The following KANSL1 variants were observed in gnomAD, a reference collection of about 807,000 sequenced individuals.
KANSL1 encodes the protein KAT8 regulatory NSL complex subunit 1.
A neutral mutation model predicts 103.6 loss-of-function variants in KANSL1; 22 were observed. The observed-to-expected ratio is 0.21, with a 90% confidence interval of 0.15 to 0.30. The LOEUF is 0.30. KANSL1 is among the 10% of genes least tolerant of loss of function. KANSL1 has a pLI of 1.00. For synonymous variants in KANSL1, 600 were observed against 527.6 expected, an observed-to-expected ratio of 1.14 and a Z score of -1.88; for missense variants, 1,337 against 1,399.8, an observed-to-expected ratio of 0.96 and a Z score of 0.72.
chr17:46,077,581 G>A (rs1040383884), intron 4 of KANSL1, among the ~76,000 whole-genome samples: 11 of 151,780 alleles, frequency 7.2e-5, no homozygotes, highest in African/African-American at 1.5e-4. Flanking sequence ...TTTTTGAGAC[G>A]GAGTCTCACT....
At position 46,030,416 on chromosome 17, in the gene KANSL1, G is replaced by C. The variant is rs565649466; in HGVS notation, c.*1060C>G. 6.6e-6 allele frequency: 1 copy of C among 151,692 alleles called. No homozygotes were observed. The highest frequency in any genetic ancestry group is 1.9e-4 in the East Asian group (1 of 5,180). 9.4% of individuals were successfully genotyped at this position (151,692 alleles called of 1,614,324 possible). On this transcript the variant is annotated 3_prime_UTR_variant, in exon 15 of 15. Transcript: ENST00000432791. ...CCCCCCTCCCCCTTTTTGGTGATGT[G>C]ATCATACAGGAGACAGGCACAAGGT...
At chr17:46,129,389 C>T (rs781751843) in intron 2 of KANSL1, among the ~76,000 whole-genome samples, 1 of 152,202 alleles carries the variant, frequency 6.6e-6, no homozygotes, top group Admixed American at 6.5e-5. Context: ...CAAAGCACCA[C>T]CTGTCTGAAA....
At chr17:46,060,932 GACA>G (rs1456392320) in intron 6 of KANSL1, among the ~76,000 whole-genome samples, 3 of 152,118 alleles carry the variant, frequency 2.0e-5, no homozygotes, top group African/African-American at 7.2e-5. Flanking sequence ...TCCCCCCTAT[GACA>G]ACAAGGACTA....
intron 2 of KANSL1, among the ~76,000 whole-genome samples, chr17:46,096,153 C>CTCT (rs67515292): frequency 7.8e-6 from 1 of 128,136 alleles, no homozygotes. Flanking sequence ...TTTTTTTTTT[C>CTCT]CTGAGAGGCA....
intron 1 of KANSL1, among the ~76,000 whole-genome samples, chr17:46,220,507 C>A (rs1024331955): frequency 4.6e-5 from 7 of 152,126 alleles, no homozygotes; most frequent in African/African-American, 1.7e-4. Context: ...TGAGCCACTG[C>A]GCCCAGCTAA....
intron 1 of KANSL1, among the ~76,000 whole-genome samples, chr17:46,191,850 A>T (rs1311606413): frequency 1.3e-5 from 2 of 152,206 alleles, no homozygotes; most frequent in African/African-American, 4.8e-5. Context: ...CTGGAGGAAG[A>T]GAGATTTCTC....
At chr17:46,218,745 T>C (rs1459488411) in intron 1 of KANSL1, among the ~76,000 whole-genome samples, 1 of 150,648 alleles carries the variant, frequency 6.6e-6, no homozygotes, top group Non-Finnish European at 1.5e-5. Context: ...ATCGTGCCAC[T>C]GAACTCCAGC....
At chr17:46,080,446 A>T (rs1323737410) in intron 4 of KANSL1, among the ~76,000 whole-genome samples, 1 of 148,028 alleles carries the variant, frequency 6.8e-6, no homozygotes, top group Non-Finnish European at 1.5e-5. Context: ...GGGCAACCTA[A>T]TTTTTTTTTT....
At chr17:46,039,323 G>C (rs1405529908) in intron 8 of KANSL1, 108 bp from the exon 9 acceptor site, 14 of 1,031,896 alleles carry the variant, frequency 1.4e-5, no homozygotes, top group Non-Finnish European at 1.6e-5. Context: ...TATACCCAGG[G>C]CAGCAGGACA....
At chr17:46,037,228 T>G (rs2077177529) in intron 10 of KANSL1, 1 of 152,258 alleles carries the variant, frequency 6.6e-6, no homozygotes, top group South Asian at 2.1e-4. Flanking sequence ...AGAATTAGTT[T>G]AGACTCTTTT....
intron 2 of KANSL1, among the ~76,000 whole-genome samples, chr17:46,096,315 T>TC (rs1280678157): frequency 2.8e-5 from 2 of 70,784 alleles, no homozygotes. Context: ...TTTTTTCTTT[T>TC]TTTTTTTTTT....
intron 2 of KANSL1, among the ~76,000 whole-genome samples, chr17:46,142,444 A>G (rs2044469115): frequency 6.6e-6 from 1 of 152,088 alleles, no homozygotes; most frequent in Admixed American, 6.6e-5. Context: ...GCAAAACCCC[A>G]TCTCTACAAA....
At chr17:46,216,954 A>G (rs187163427) in intron 1 of KANSL1, among the ~76,000 whole-genome samples, 2 of 152,104 alleles carry the variant, frequency 1.3e-5, no homozygotes, top group African/African-American at 4.8e-5. Flanking sequence ...AAAAATATTT[A>G]AAAATAGCCA....
intron 2 of KANSL1, among the ~76,000 whole-genome samples, chr17:46,108,807 C>T (rs563529647): frequency 6.6e-6 from 1 of 152,354 alleles, no homozygotes; most frequent in South Asian, 2.1e-4. Flanking sequence ...AAAACTAACT[C>T]TGGCCTCCTC....
chr17:46,160,916 T>C (rs2147617102), intron 2 of KANSL1, among the ~76,000 whole-genome samples: 2 of 152,348 alleles, frequency 1.3e-5, no homozygotes, highest in Middle Eastern at 6.8e-3. Flanking sequence ...CTGTTTGACA[T>C]TAAGTTACTT....
At chr17:46,074,434 C>G (rs1193441560) in intron 4 of KANSL1, among the ~76,000 whole-genome samples, 1 of 152,080 alleles carries the variant, frequency 6.6e-6, no homozygotes, top group Non-Finnish European at 1.5e-5. Context: ...GGAAGTAGAA[C>G]AACCACCCTT....
At chr17:46,203,959 T>A (rs1178877588) in intron 1 of KANSL1, among the ~76,000 whole-genome samples, 1 of 152,186 alleles carries the variant, frequency 6.6e-6, no homozygotes, top group East Asian at 1.9e-4. Context: ...AGAGACTACT[T>A]GAGCCTAGGA....
At chr17:46,148,670 T>C (rs944023289) in intron 2 of KANSL1, among the ~76,000 whole-genome samples, 3 of 151,490 alleles carry the variant, frequency 2.0e-5, no homozygotes, top group African/African-American at 7.3e-5. Flanking sequence ...CACTGCAACC[T>C]CTACCTCCTG....
At chr17:46,134,742 G>A (rs952601218) in intron 2 of KANSL1, among the ~76,000 whole-genome samples, 3 of 152,124 alleles carry the variant, frequency 2.0e-5, no homozygotes, top group Non-Finnish European at 2.9e-5. Flanking sequence ...CTACTCAGGA[G>A]GCTGAGGCAG....
Sources: allele counts gnomAD v4.1 joint callset (sites outside exome capture counted in the v4.1 genomes callset), GRCh38; gene constraint gnomAD v4.1.1; transcripts MANE v1.5; gene names NCBI Gene and HGNC (gene_info 2026-07-23, HGNC 2026-07-21).